FRMD4A: variants seen among roughly 807,000 people sequenced by gnomAD.
FRMD4A encodes the protein FERM domain containing 4A.
In FRMD4A, 29 loss-of-function variants were observed where a neutral mutation model predicts 129.1. That is an observed-to-expected ratio of 0.22 (90% CI 0.17 to 0.31). The LOEUF (loss-of-function observed/expected upper bound fraction) is 0.31. FRMD4A is among the 10% of genes least tolerant of loss of function. The pLI is 1.00. For missense variants in FRMD4A, 1,272 were observed against 1,375.8 expected, an observed-to-expected ratio of 0.92 and a Z score of 1.19; for synonymous variants, 634 against 571.6, an observed-to-expected ratio of 1.11 and a Z score of -1.56.
At chr10:14,239,609 A>G (rs1312435919) in intron 2 of FRMD4A, among the ~76,000 whole-genome samples, 1 of 152,036 alleles carries the variant, frequency 6.6e-6, no homozygotes, top group Non-Finnish European at 1.5e-5. Flanking sequence ...CCTGGGCGAC[A>G]TAGCGAGACT....
chr10:13,944,540 C>G lies in FRMD4A; in HGVS notation c.46-85628G>C, dbSNP rs914660565. 1.4e-4 allele frequency among the ~76,000 whole-genome samples: 22 copies of G among 152,038 alleles called. 1 individual carries two copies. Among genetic ancestry groups the G allele is most frequent in the African/African-American group, 3.9e-4 (16 of 41,384 alleles). Reference sequence around the variant, plus strand: ...AATCATCCTGAAACCATCCCCCAACCTCAGTCCTTGGAAAAATTGTCTTCC... The same window carrying G: ...AATCATCCTGAAACCATCCCCCAACGTCAGTCCTTGGAAAAATTGTCTTCC... On this transcript the variant is annotated intron_variant, in intron 2 of 24. Transcript: ENST00000357447.
At chr10:14,290,331 T>A (rs1845812359) in intron 2 of FRMD4A, among the ~76,000 whole-genome samples, 1 of 151,980 alleles carries the variant, frequency 6.6e-6, no homozygotes, top group African/African-American at 2.4e-5. Context: ...CAAAGTATAA[T>A]ACAAAGGTAT....
rs550846312 is a variant in FRMD4A at position 13,700,016 on chromosome 10, C to CA, written c.975+1323dup. On this transcript the variant is annotated intron_variant, in intron 14 of 24. Transcript: ENST00000357447. ...AGAAAGTAGAGGACAAGATATTTTA[C>CA]AAAGGATAAAATGACGGCTGCGGGG... 4.5e-4 allele frequency among the ~76,000 whole-genome samples: 68 copies of CA among 152,294 alleles called. No homozygotes were observed. In the South Asian group the frequency reaches 0.014, roughly 31 times the overall value.
At position 13,674,981 on chromosome 10, in the gene FRMD4A, C is replaced by G. The variant is rs201278371; in HGVS notation, c.1181G>C (p.Arg394Thr). ...CAGGGTTTCCTCCAGAGCTTCCTGC[C>G]TGGACTTCAAGGCAGCCAGCATGTC... ...KKDMLAALKS[R>T]QEALEETLRQ... Residue 394 changes from arginine to threonine, a missense_variant, in exon 16 of 25, where the codon AGG (arginine) becomes ACG (threonine). By Grantham distance (71) the Arg-to-Thr change is moderately conservative. This residue lies in a region of FRMD4A where 972 missense variants were observed against 892.3 expected (regional missense o/e 1.09). Transcript: ENST00000357447. 1.9e-6 allele frequency: 3 copies of G among 1,613,972 alleles called. No homozygotes were observed. Among genetic ancestry groups the G allele is most frequent in the Non-Finnish European group, 2.5e-6 (3 of 1,179,982 alleles).
At chr10:13,979,942 C>T (rs936294191) in intron 2 of FRMD4A, among the ~76,000 whole-genome samples, 5 of 152,186 alleles carry the variant, frequency 3.3e-5, no homozygotes, top group African/African-American at 1.2e-4. Flanking sequence ...ATGTTGGCTT[C>T]TCAAGAGCGG....
intron 2 of FRMD4A, among the ~76,000 whole-genome samples, chr10:14,185,602 G>A (rs75218992): frequency 0.016 from 2,344 of 144,176 alleles, 25 homozygotes; most frequent in Non-Finnish European, 0.024. Flanking sequence ...GAAACAGGTA[G>A]AGAGACAGAA....
At chr10:14,234,852 G>T (rs1039054429) in intron 2 of FRMD4A, among the ~76,000 whole-genome samples, 2 of 152,194 alleles carry the variant, frequency 1.3e-5, no homozygotes, top group Non-Finnish European at 2.9e-5. Context: ...AGCCCCTGTG[G>T]CTCTACGTTA....
intron 2 of FRMD4A, among the ~76,000 whole-genome samples, chr10:14,275,091 G>A (rs528052441): frequency 1.3e-5 from 2 of 152,280 alleles, no homozygotes; most frequent in African/African-American, 2.4e-5. Context: ...AACCCAAACT[G>A]TGACTCTAGC....
intron 15 of FRMD4A, among the ~76,000 whole-genome samples, chr10:13,687,356 T>C (rs971436971): frequency 3.3e-5 from 5 of 152,140 alleles, no homozygotes; most frequent in Non-Finnish European, 7.3e-5. Flanking sequence ...AAAACAACAC[T>C]TAGAACAAAT....
chr10:13,985,755 C>T (rs188587104), intron 2 of FRMD4A, among the ~76,000 whole-genome samples: 278 of 152,316 alleles, frequency 1.8e-3, no homozygotes, highest in African/African-American at 6.4e-3. Flanking sequence ...CACAGGAGGG[C>T]CCCTGGCCCA....
rs201938305 is a variant in FRMD4A at position 14,187,119 on chromosome 10, AAAGGAAAG to A, written c.45+142931_45+142938del. Among the ~76,000 whole-genome samples the A allele has an allele frequency of 8.4e-3, 1,237 of 147,082 alleles. 25 individuals carry two copies. Among genetic ancestry groups the A allele is most frequent in the African/African-American group, 0.028 (1,142 of 40,102 alleles). ...GGGTGACAGAGCAAGGCTCTGTCTC[AAAGGAAAG>A]AAGGAAAGAAGGAAGGAAGGAAAGA... On this transcript the variant is annotated intron_variant, in intron 2 of 24. Transcript: ENST00000357447.
intron 2 of FRMD4A, among the ~76,000 whole-genome samples, chr10:14,293,381 G>A (rs1442730080): frequency 1.3e-5 from 2 of 152,134 alleles, no homozygotes; most frequent in Non-Finnish European, 2.9e-5. Flanking sequence ...CCAGAACTGT[G>A]AGCCAAATAA....
chr10:14,252,424 G>T (rs12264863), intron 2 of FRMD4A, among the ~76,000 whole-genome samples: 2,075 of 152,310 alleles, frequency 0.014, 44 homozygotes, highest in South Asian at 0.048. Context: ...TAGATTTCAT[G>T]TCTCTTTAGT....
chr10:13,737,758 T>C (rs1240539646), intron 12 of FRMD4A, 86 bp downstream of exon 12: 1 of 744,588 alleles, frequency 1.3e-6, no homozygotes. Context: ...TTAGGCTGCA[T>C]GGCGTTAGCA....
intron 2 of FRMD4A, among the ~76,000 whole-genome samples, chr10:14,185,749 C>T (rs1473850680): frequency 2.6e-5 from 4 of 152,156 alleles, no homozygotes; most frequent in Admixed American, 6.5e-5. Flanking sequence ...CAGCAGTAGA[C>T]CAGGCTAGTA....
intron 2 of FRMD4A, among the ~76,000 whole-genome samples, chr10:14,319,913 C>T (rs1589308538): frequency 1.3e-5 from 2 of 152,164 alleles, no homozygotes; most frequent in Non-Finnish European, 2.9e-5. Flanking sequence ...TCCAGAGTGG[C>T]TTGTATGTGT....
intron 12 of FRMD4A, among the ~76,000 whole-genome samples, chr10:13,731,305 A>G (rs987406378): frequency 6.6e-6 from 1 of 152,184 alleles, no homozygotes; most frequent in Admixed American, 6.5e-5. Flanking sequence ...TGAAGGACTG[A>G]AGTAGATTTA....
chr10:13,822,656 T>C (rs1267326927), intron 3 of FRMD4A, among the ~76,000 whole-genome samples: 1 of 152,162 alleles, frequency 6.6e-6, no homozygotes, highest in Non-Finnish European at 1.5e-5. Context: ...CAGAGCCAGA[T>C]GGGACCAGGT....
At chr10:14,107,229 G>A (rs984143689) in intron 2 of FRMD4A, among the ~76,000 whole-genome samples, 4 of 152,130 alleles carry the variant, frequency 2.6e-5, no homozygotes, top group African/African-American at 9.7e-5. Context: ...GACAAGGGTT[G>A]AAAAACTACC....
Sources: gnomAD v4.1 joint callset for allele counts (sites outside exome capture counted in the v4.1 genomes callset) on GRCh38, gnomAD v4.1.1 for gene constraint, gnomAD v4.1.1 regional missense constraint, MANE v1.5 for transcripts, NCBI Gene and HGNC (gene_info 2026-07-23, HGNC 2026-07-21) for gene names.